The following FAR2 variants were observed in gnomAD, a reference collection of about 807,000 sequenced individuals.
The protein encoded by FAR2 is epididymis secretory protein Li 81.
FAR2 carries 19 observed loss-of-function variants against 56.0 expected under a neutral mutation model. The observed-to-expected ratio is 0.34, with a 90% confidence interval of 0.24 to 0.50. The LOEUF is 0.50. Ranked by LOEUF, FAR2 falls within the 20% of genes least tolerant of loss-of-function variation. The pLI is 0.98. For synonymous variants in FAR2, 219 were observed against 218.8 expected, an observed-to-expected ratio of 1.00 and a Z score of -0.01; for missense variants, 508 against 642.2, an observed-to-expected ratio of 0.79 and a Z score of 2.26.
chr12:29,180,235 T>C (rs1446564528), intron 1 of FAR2, among the ~76,000 whole-genome samples: 2 of 152,158 alleles, frequency 1.3e-5, no homozygotes, highest in Non-Finnish European at 2.9e-5. Flanking sequence ...GCAAAAGATA[T>C]TGCTTTTCTT....
intron 1 of FAR2, among the ~76,000 whole-genome samples, chr12:29,245,743 G>T (rs906975475): frequency 6.6e-6 from 1 of 152,046 alleles, no homozygotes; most frequent in Non-Finnish European, 1.5e-5. Context: ...ATCTTCTGTT[G>T]TCATCTATTC....
chr12:29,239,052 C>A (rs990675529), intron 1 of FAR2, among the ~76,000 whole-genome samples: 2 of 152,162 alleles, frequency 1.3e-5, no homozygotes, highest in Non-Finnish European at 2.9e-5. Flanking sequence ...CTTTAAATTA[C>A]TTAAAGGCAG....
intron 1 of FAR2, among the ~76,000 whole-genome samples, chr12:29,190,793 C>T (rs1172723597): frequency 2.3e-5 from 1 of 44,308 alleles, no homozygotes; most frequent in African/African-American, 4.6e-5. Context: ...TCTGAGATGT[C>T]CGCATCACAC....
chr12:29,323,691 C>T (rs1372189486), intron 10 of FAR2, among the ~76,000 whole-genome samples: 1 of 152,210 alleles, frequency 6.6e-6, no homozygotes, highest in Non-Finnish European at 1.5e-5. Flanking sequence ...AGGGTCCTGA[C>T]TGTTAGAAGG....
chr12:29,160,487 G>A (rs1401387264), intron 1 of FAR2, among the ~76,000 whole-genome samples: 1 of 152,146 alleles, frequency 6.6e-6, no homozygotes, highest in African/African-American at 2.4e-5. Flanking sequence ...CGTATCAAAA[G>A]GCAAGTTACT....
intron 1 of FAR2, chr12:29,171,629 G>A (rs150568349): frequency 5.6e-4 from 86 of 152,512 alleles, no homozygotes; most frequent in African/African-American, 2.0e-3. Context: ...TGTGAAGTGA[G>A]GAGCACCTCT....
chr12:29,190,855 T>C (rs1449411808), intron 1 of FAR2, among the ~76,000 whole-genome samples: 1 of 152,224 alleles, frequency 6.6e-6, no homozygotes, highest in Non-Finnish European at 1.5e-5. Flanking sequence ...ATTTCAATTT[T>C]TACATTAATT....
At chr12:29,192,947 C>T (rs11830434) in intron 1 of FAR2, among the ~76,000 whole-genome samples, 30,901 of 152,050 alleles carry the variant, frequency 0.2, 3,131 homozygotes, top group East Asian at 0.3. Flanking sequence ...TCATCCACAC[C>T]GTACATATTA....
rs1591953866 is a variant in FAR2, at chr12:29,307,679, T to C, written c.567T>C (p.Ile189=). ...TTAGGTGGTTAGACGATGCTATTAT[T>C]GACGAGATTACACCCAAGCTGATCA... ...DSLEWLDDAI[I]DEITPKLIRD... Residue 189 remains isoleucine (I), a synonymous_variant, in exon 5 of 12, where the codon ATT becomes ATC. Coordinates refer to ENST00000536681, the MANE Select transcript of FAR2 (RefSeq NM_001271783.2). The C allele has an allele frequency of 6.2e-7, 1 of 1,612,180 alleles. No homozygotes were observed. The highest frequency in any genetic ancestry group is 8.5e-7 in the Non-Finnish European group (1 of 1,179,302).
rs571420035 is a variant in FAR2, at chr12:29,201,771, T to C, written c.-39+52364T>C. ...CATGTCACTATATAAAATTGAAATG[T>C]AATTAATTAAAATTAAATAAAAATA... On this transcript the variant is annotated intron_variant, in intron 1 of 11. Coordinates refer to ENST00000536681, the MANE Select transcript of FAR2 (RefSeq NM_001271783.2). Among the ~76,000 whole-genome samples the C allele has an allele frequency of 3.9e-5, 6 of 152,244 alleles. No individual in the cohort carries two copies. In the South Asian group the frequency reaches 1.0e-3, roughly 26 times the overall value.
At chr12:29,325,285 C>T (rs560493908) in intron 10 of FAR2, among the ~76,000 whole-genome samples, 3 of 152,206 alleles carry the variant, frequency 2.0e-5, no homozygotes, top group South Asian at 4.1e-4. Context: ...ACTTAGACTC[C>T]CATACAATAA....
intron 1 of FAR2, among the ~76,000 whole-genome samples, chr12:29,161,843 C>A (rs893876924): frequency 6.6e-6 from 1 of 152,142 alleles, no homozygotes; most frequent in Admixed American, 6.5e-5. Flanking sequence ...AGTTGTGAGG[C>A]ATGGTAGTTT....
intron 1 of FAR2, among the ~76,000 whole-genome samples, chr12:29,262,779 G>A (rs1398854555): frequency 6.6e-6 from 1 of 152,146 alleles, no homozygotes; most frequent in East Asian, 1.9e-4. Flanking sequence ...CAAAATGGCA[G>A]AGGGAAGTCA....
intron 3 of FAR2, among the ~76,000 whole-genome samples, chr12:29,295,458 T>A (rs1437232882): frequency 2.0e-5 from 3 of 152,200 alleles, no homozygotes; most frequent in Non-Finnish European, 4.4e-5. Context: ...GCCAGGTTTT[T>A]AAAAATCTTG....
intron 1 of FAR2, among the ~76,000 whole-genome samples, chr12:29,150,280 C>T (rs1183096091): frequency 6.6e-6 from 1 of 152,234 alleles, no homozygotes; most frequent in Non-Finnish European, 1.5e-5. Context: ...GGCACCATTT[C>T]TTCCACGGTT....
At chr12:29,254,199 C>A (rs1294473302) in intron 1 of FAR2, among the ~76,000 whole-genome samples, 1 of 152,122 alleles carries the variant, frequency 6.6e-6, no homozygotes, top group Non-Finnish European at 1.5e-5. Flanking sequence ...CTTAAAAATT[C>A]TCCTGGAAAA....
chr12:29,302,706 T>G (rs1206014311), intron 4 of FAR2, among the ~76,000 whole-genome samples: 1 of 152,194 alleles, frequency 6.6e-6, no homozygotes, highest in African/African-American at 2.4e-5. Context: ...TCATTTGTTT[T>G]CATCATGGAA....
At chr12:29,285,899 C>G (rs569500104) in intron 2 of FAR2, among the ~76,000 whole-genome samples, 43 of 152,096 alleles carry the variant, frequency 2.8e-4, no homozygotes, top group Non-Finnish European at 5.7e-4. Flanking sequence ...AGCCTGGTGA[C>G]AGAGCTTCAG....
intron 1 of FAR2, among the ~76,000 whole-genome samples, chr12:29,172,876 T>C (rs1207864642): frequency 6.6e-6 from 1 of 152,160 alleles, no homozygotes; most frequent in Non-Finnish European, 1.5e-5. Context: ...TGTTTTTGAC[T>C]CCAGTCCCCA....
Sources: gnomAD v4.1 joint callset for allele counts (sites outside exome capture counted in the v4.1 genomes callset) on GRCh38, gnomAD v4.1.1 for gene constraint, MANE v1.5 for transcripts, NCBI Gene and HGNC (gene_info 2026-07-23, HGNC 2026-07-21) for gene names.